MAK: variants seen among roughly 807,000 people sequenced by gnomAD.
MAK encodes serine/threonine-protein kinase MAK.
Under a neutral mutation model 82.6 loss-of-function variants are expected in MAK, and 65 were observed. That is an observed-to-expected ratio of 0.79 (90% CI 0.64 to 0.97). The LOEUF (loss-of-function observed/expected upper bound fraction) is 0.97. Ranked by LOEUF, MAK falls within the 50% of genes least tolerant of loss-of-function variation. The probability of loss-of-function intolerance (pLI) is 0.00; values close to 1 mark genes in which losing one functional copy is unlikely to be tolerated. For missense variants in MAK, 703 were observed against 780.2 expected (o/e 0.90, Z 1.18); for synonymous variants, 250 against 274.2 (o/e 0.91, Z 0.87).
At position 10,784,421 on chromosome 6, in the gene MAK, T is replaced by TA; in HGVS notation, c.1465+2dup. 1 of 1,614,146 alleles carries TA rather than the reference T, an allele frequency of 6.2e-7. No individual in the cohort carries two copies. Among genetic ancestry groups the TA allele is most frequent in the Non-Finnish European group, 8.5e-7 (1 of 1,179,968 alleles). ...CAGCAAACATTTTCTTTGCTCTACT[T>TA]ACCTGGAAGATATCTTGATTGTTTC... On this transcript the variant is annotated splice_region_variant and intron_variant, in intron 11 of 14. Coordinates refer to ENST00000354489, the MANE Select transcript of MAK (RefSeq NM_001242957.3).
In MAK at chr6:10,796,262, C is replaced by T. The variant is rs772299314; in HGVS notation, c.879G>A (p.Ser293=). The T allele has an allele frequency of 5.0e-6, 8 of 1,613,982 alleles. No individual in the cohort carries two copies. The highest frequency in any genetic ancestry group is 1.1e-5 in the South Asian group (1 of 91,090). ...ACTGTTTTGATTCCAGATGATTTGA[C>T]GAAGGGCCTAATACCTGACCAACTT... The part of the protein sequence containing the change: ...YFQVGQVLGP[S]SNHLESKQSL... The change falls in exon 9 of 15, where the codon TCG becomes TCA. Residue 293 remains serine (S), a synonymous_variant. Transcript: ENST00000354489.
At chr6:10,822,014 G>A (rs1373130113) in intron 2 of MAK, among the ~76,000 whole-genome samples, 2 of 151,924 alleles carry the variant, frequency 1.3e-5, no homozygotes, top group African/African-American at 4.8e-5. Context: ...AGGCGTGGTG[G>A]CGGGCGCCTG....
chr6:10,806,322 T>C (rs1028826040), intron 6 of MAK, among the ~76,000 whole-genome samples: 1 of 151,572 alleles, frequency 6.6e-6, no homozygotes, highest in Non-Finnish European at 1.5e-5. Flanking sequence ...TGTGCCACCA[T>C]GCCTGGCTAA....
intron 4 of MAK, among the ~76,000 whole-genome samples, chr6:10,815,063 T>G (rs1441777634): frequency 6.6e-6 from 1 of 150,912 alleles, no homozygotes; most frequent in Non-Finnish European, 1.5e-5. Flanking sequence ...AAGAAAGAAA[T>G]ATATATGAGA....
chr6:10,812,492 G>A (rs191204313), intron 5 of MAK, among the ~76,000 whole-genome samples: 12 of 152,118 alleles, frequency 7.9e-5, no homozygotes, highest in Non-Finnish European at 1.5e-4. Flanking sequence ...TTCATTCACA[G>A]AATAGAAACA....
In MAK at chr6:10,803,883, G is replaced by T; in HGVS notation, c.500C>A (p.Ala167Asp). The T allele has an allele frequency of 6.2e-7, 1 of 1,613,862 alleles. No individual in the cohort carries two copies. ...TGAAGATCTCAGTAAAACTTCAGGG[G>T]CACGATACCTATGAAAATAGAGAAC... ...TDYVSTRWYRAPEVLLRSSVY... is the reference protein window; with the variant it reads ...TDYVSTRWYRDPEVLLRSSVY... Residue 167 changes from alanine to aspartate, a missense_variant, in exon 7 of 15, where the codon GCC (alanine) becomes GAC (aspartate). Ala to Asp is a moderately radical substitution (Grantham distance 126). Transcript: ENST00000354489.
intron 10 of MAK, chr6:10,784,993 GAAA>G: frequency 2.3e-6 from 1 of 439,842 alleles, no homozygotes; most frequent in Admixed American, 2.5e-5. Flanking sequence ...CTGAAATGGG[GAAA>G]GAAGTGCTAG....
intron 12 of MAK, among the ~76,000 whole-genome samples, chr6:10,774,451 T>C (rs766370271): frequency 1.2e-3 from 190 of 152,312 alleles, no homozygotes; most frequent in Non-Finnish European, 2.0e-3. Flanking sequence ...TTCTCTCTCT[T>C]TTCTTTTTTC....
At chr6:10,806,330 T>G (rs1776446249) in intron 6 of MAK, among the ~76,000 whole-genome samples, 1 of 131,608 alleles carries the variant, frequency 7.6e-6, no homozygotes, top group African/African-American at 2.7e-5. Flanking sequence ...CATGCCTGGC[T>G]AATTTTTTTT....
chr6:10,769,979 CAAAA>C (rs966581271), intron 14 of MAK, 128 bp downstream of exon 14: 16 of 1,543,182 alleles, frequency 1.0e-5, no homozygotes, highest in South Asian at 3.5e-5. Context: ...TCGGTAAAAA[CAAAA>C]AGAAATGCGT....
At chr6:10,801,552 C>T (rs1776019657) in intron 8 of MAK, among the ~76,000 whole-genome samples, 3 of 152,208 alleles carry the variant, frequency 2.0e-5, no homozygotes, top group Non-Finnish European at 2.9e-5. Context: ...TGGAATGATT[C>T]ATGAGATGCC....
intron 11 of MAK, among the ~76,000 whole-genome samples, chr6:10,783,974 A>G (rs527478017): frequency 9.2e-5 from 14 of 152,190 alleles, no homozygotes; most frequent in Admixed American, 1.3e-4. Context: ...AGCCGAGATC[A>G]CGCCACTGCA....
intron 14 of MAK, among the ~76,000 whole-genome samples, chr6:10,766,118 G>A (rs1056892917): frequency 2.0e-5 from 3 of 152,166 alleles, no homozygotes; most frequent in Non-Finnish European, 4.4e-5. Flanking sequence ...TCCATCTGGG[G>A]TTTAAATATC....
chr6:10,787,215 C>T (rs149159618), intron 10 of MAK, among the ~76,000 whole-genome samples: 295 of 152,348 alleles, frequency 1.9e-3, no homozygotes, highest in Middle Eastern at 6.8e-3. Flanking sequence ...TTCACCACTC[C>T]GCTAATTCAC....
intron 11 of MAK, among the ~76,000 whole-genome samples, chr6:10,782,918 A>G (rs1774136717): frequency 6.6e-6 from 1 of 152,096 alleles, no homozygotes; most frequent in Non-Finnish European, 1.5e-5. Context: ...TGTTTGCCTA[A>G]AAGGTACACA....
chr6:10,788,125 G>T (rs1230839918), intron 10 of MAK, among the ~76,000 whole-genome samples: 1 of 151,620 alleles, frequency 6.6e-6, no homozygotes, highest in Non-Finnish European at 1.5e-5. Flanking sequence ...TGAGTAGCTC[G>T]AACTACAGGT....
intron 11 of MAK, among the ~76,000 whole-genome samples, chr6:10,775,945 T>A (rs993601543): frequency 6.6e-6 from 1 of 152,034 alleles, no homozygotes; most frequent in Non-Finnish European, 1.5e-5. Context: ...CCCACCACCA[T>A]GCTTGGCTAA....
chr6:10,819,461 C>T (rs1228641073), intron 2 of MAK, among the ~76,000 whole-genome samples: 2 of 152,088 alleles, frequency 1.3e-5, no homozygotes, highest in Non-Finnish European at 2.9e-5. Flanking sequence ...GAAACCCCGT[C>T]TCTACTAAAA....
chr6:10,809,563 G>A (rs1011992808), intron 5 of MAK, among the ~76,000 whole-genome samples: 2 of 152,086 alleles, frequency 1.3e-5, no homozygotes, highest in Non-Finnish European at 2.9e-5. Flanking sequence ...TTTTAATCAG[G>A]CTTGAGTCAG....
Sources: gnomAD v4.1 joint callset for allele counts (sites outside exome capture counted in the v4.1 genomes callset) on GRCh38, gnomAD v4.1.1 for gene constraint, MANE v1.5 for transcripts, NCBI Gene and HGNC (gene_info 2026-07-23, HGNC 2026-07-21) for gene names.